MGAM: variants seen among roughly 807,000 people sequenced by gnomAD.
MGAM encodes maltase-glucoamylase.
Under a neutral mutation model 358.8 loss-of-function variants are expected in MGAM, and 253 were observed. That is an observed-to-expected ratio of 0.71 (90% CI 0.64 to 0.78). The LOEUF (loss-of-function observed/expected upper bound fraction) is 0.78, where lower values mean the gene tolerates loss of function less well. Ranked by LOEUF, MGAM falls within the 30% of genes least tolerant of loss-of-function variation. MGAM has a pLI of 0.00. For missense variants in MGAM, 3,080 were observed against 3,432.6 expected (o/e 0.90, Z 2.57); for synonymous variants, 1,105 against 1,227.1 (o/e 0.90, Z 2.08).
intron 2 of MGAM, among the ~76,000 whole-genome samples, chr7:142,007,644 C>G (rs1477096607): frequency 1.3e-5 from 2 of 152,036 alleles, no homozygotes; most frequent in Non-Finnish European, 2.9e-5. Flanking sequence ...TGCAGAATAC[C>G]TTCAAGAAAG....
At chr7:142,064,624 A>G in intron 37 of MGAM, 102 bp downstream of exon 37, 1 of 1,431,392 alleles carries the variant, frequency 7.0e-7, no homozygotes, top group Non-Finnish European at 9.4e-7. Context: ...CTAAGGATTA[A>G]GAAGATTCTC....
chr7:142,060,256 A>G, intron 33 of MGAM, 55 bp from the exon 34 acceptor site: 2 of 1,590,988 alleles, frequency 1.3e-6, no homozygotes, highest in Non-Finnish European at 1.7e-6. Flanking sequence ...ATTAGGAAAT[A>G]CTATGTAAGG....
At chr7:142,011,439 A>C (rs528130257) in intron 3 of MGAM, among the ~76,000 whole-genome samples, 90 of 151,482 alleles carry the variant, frequency 5.9e-4, no homozygotes, top group Non-Finnish European at 1.2e-3. Context: ...TGGTGCTAGG[A>C]AGAGCAGTGA....
Position 142,038,582 on chromosome 7 carries a change from G to C in MGAM, c.2283G>C (p.Gly761=), listed in dbSNP as rs774252248. The C allele has an allele frequency of 1.7e-4, 270 of 1,610,956 alleles. No homozygotes were observed. Among genetic ancestry groups the C allele is most frequent in the Non-Finnish European group, 2.2e-4 (262 of 1,178,578 alleles). Residue 761 remains glycine (G), a synonymous_variant, in exon 19 of 71, where the codon GGG becomes GGC. Coordinates refer to ENST00000475668, the MANE Select transcript of MGAM (RefSeq NM_001365693.1). ...ATGTGCACCAACAGTTCTTATGGGG[G>C]CCCGGCCTCCTCATCACTCCAGTTC... The part of the protein sequence containing the change: ...TWDVHQQFLW[G]PGLLITPVLD...
At chr7:142,088,009 A>C (rs1585087923) in intron 57 of MGAM, among the ~76,000 whole-genome samples, 1 of 146,478 alleles carries the variant, frequency 6.8e-6, no homozygotes, top group East Asian at 2.0e-4. Context: ...TATCCAGATA[A>C]GCTGGTTTTC....
intron 7 of MGAM, among the ~76,000 whole-genome samples, chr7:142,022,688 A>G (rs1460755544): frequency 6.6e-6 from 1 of 152,192 alleles, no homozygotes; most frequent in Non-Finnish European, 1.5e-5. Flanking sequence ...GAACAGATAC[A>G]TGTAATGTAT....
chr7:142,091,380 A>C (rs1404570831), intron 57 of MGAM, among the ~76,000 whole-genome samples: 1 of 146,506 alleles, frequency 6.8e-6, no homozygotes, highest in Non-Finnish European at 1.5e-5. Context: ...CTCTCAATTT[A>C]TCTTCCACAC....
At chr7:142,096,788 ATG>A (rs980160487) in intron 65 of MGAM, among the ~76,000 whole-genome samples, 5 of 152,326 alleles carry the variant, frequency 3.3e-5, no homozygotes, top group African/African-American at 9.6e-5. Flanking sequence ...TTGCTTGGCA[ATG>A]TGTGTGTACT....
Position 142,103,396 on chromosome 7 carries a change from G to T in MGAM, c.8141G>T (p.Gly2714Val). 1 of 1,611,946 alleles carries T rather than the reference G, an allele frequency of 6.2e-7. No homozygotes were observed. The change falls in exon 70 of 71, where the codon GGC (glycine) becomes GTC (valine). Residue 2714 changes from glycine to valine, a missense_variant. This residue lies in a region of MGAM where 194 missense variants were observed against 172.8 expected (regional missense o/e 1.12). Transcript: ENST00000475668. ...ACCAGTGTCAGCATCTCTGTGAGTGGCATGGTCATAACACCCTCCTTCAAC... is the reference window on the plus strand; with the variant it reads ...ACCAGTGTCAGCATCTCTGTGAGTGTCATGGTCATAACACCCTCCTTCAAC... ...PVTSVSISVS[G>V]MVITPSFNND...
At chr7:142,026,229 A>C (rs1490596561) in intron 8 of MGAM, among the ~76,000 whole-genome samples, 2 of 152,022 alleles carry the variant, frequency 1.3e-5, no homozygotes, top group East Asian at 3.9e-4. Flanking sequence ...CTTTTGTTTG[A>C]GGTGAGATTC....
chr7:142,048,158 T>G (rs953496080), intron 22 of MGAM, among the ~76,000 whole-genome samples: 54 of 127,802 alleles, frequency 4.2e-4, no homozygotes, highest in African/African-American at 1.6e-3. Flanking sequence ...TTTATTTATT[T>G]ATTTATTTAT....
At position 142,017,164 on chromosome 7, in the gene MGAM, A is replaced by C. The variant is rs959888663; in HGVS notation, c.328-2035A>C. Among the ~76,000 whole-genome samples, 9 of 151,686 alleles carry C rather than the reference A, an allele frequency of 5.9e-5. 1 individual carries two copies. The highest frequency in any genetic ancestry group is 5.9e-4 in the Admixed American group (9 of 15,224). Reference sequence around the variant, plus strand: ...TTTTTCTTAATTTTTTGGATCGAGGATTTCCACACTCCCCACAACTCTAAC... The same window carrying C: ...TTTTTCTTAATTTTTTGGATCGAGGCTTTCCACACTCCCCACAACTCTAAC... On this transcript the variant is annotated intron_variant, in intron 3 of 70. Coordinates refer to ENST00000475668, the MANE Select transcript of MGAM (RefSeq NM_001365693.1).
At chr7:142,099,330 G>A (rs569129997) in intron 66 of MGAM, among the ~76,000 whole-genome samples, 171 of 152,300 alleles carry the variant, frequency 1.1e-3, no homozygotes, top group African/African-American at 3.7e-3. Context: ...GGTCCCTTAG[G>A]TTCTGATACA....
At chr7:142,039,031 G>A (rs1168511420) in intron 19 of MGAM, among the ~76,000 whole-genome samples, 1 of 151,900 alleles carries the variant, frequency 6.6e-6, no homozygotes, top group Non-Finnish European at 1.5e-5. Flanking sequence ...AGTCATGGAG[G>A]AAGGTGAAGA....
At chr7:142,027,571 A>G (rs782389043) in intron 9 of MGAM, 39 bp from the exon 10 acceptor site, 1 of 1,608,438 alleles carries the variant, frequency 6.2e-7, no homozygotes, top group South Asian at 1.1e-5. Flanking sequence ...TATTAAAAAC[A>G]GAGTATTTGC....
At position 142,060,384 on chromosome 7, in the gene MGAM, G is replaced by C. The variant is rs751497390; in HGVS notation, c.4122+11G>C. The C allele has an allele frequency of 2.4e-5, 38 of 1,613,850 alleles. 1 individual carries two copies. Among genetic ancestry groups the C allele is most frequent in the Middle Eastern group, 3.3e-4 (2 of 6,062 alleles). On this transcript the variant is annotated intron_variant, in intron 34 of 70. Transcript: ENST00000475668. ...GACAGCCAAGTGGAGGTAAAAGGGTGTTTGTAAATTTGGGTGGAGTCAGGG... is the reference window on the plus strand; with the variant it reads ...GACAGCCAAGTGGAGGTAAAAGGGTCTTTGTAAATTTGGGTGGAGTCAGGG...
At chr7:142,071,963 T>G (rs1357355044) in intron 44 of MGAM, among the ~76,000 whole-genome samples, 1 of 146,278 alleles carries the variant, frequency 6.8e-6, no homozygotes, top group Non-Finnish European at 1.5e-5. Context: ...AACCTGTCTT[T>G]TCTTTTGAAC....
intron 59 of MGAM, among the ~76,000 whole-genome samples, chr7:142,093,045 C>T (rs1440081653): frequency 6.8e-6 from 1 of 146,462 alleles, no homozygotes; most frequent in Non-Finnish European, 1.5e-5. Context: ...TGACTTTTCA[C>T]AGATTATGCG....
intron 21 of MGAM, among the ~76,000 whole-genome samples, chr7:142,042,104 A>G (rs1274952853): frequency 2.7e-5 from 2 of 75,120 alleles, no homozygotes; most frequent in Non-Finnish European, 4.6e-5. Context: ...ATATATACAT[A>G]TAATATATAA....
Sources: allele counts gnomAD v4.1 joint callset (sites outside exome capture counted in the v4.1 genomes callset), GRCh38; gene constraint gnomAD v4.1.1; regional missense constraint gnomAD v4.1.1; transcripts MANE v1.5; gene names NCBI Gene and HGNC (gene_info 2026-07-23, HGNC 2026-07-21).